The following GLI3 variants were observed in gnomAD, a reference collection of about 807,000 sequenced individuals.
GLI3 encodes the protein GLI family zinc finger 3, also known as transcription activator GLI3.
GLI3 carries 20 observed loss-of-function variants against 100.8 expected under a neutral mutation model. The ratio of observed to expected loss-of-function variants is 0.20; its 90% CI spans 0.14 to 0.29. The LOEUF (loss-of-function observed/expected upper bound fraction) is 0.29. GLI3 is among the 10% of genes least tolerant of loss of function. GLI3 has a pLI of 1.00. For synonymous variants in GLI3, 938 were observed against 860.5 expected, an observed-to-expected ratio of 1.09 and a Z score of -1.58; for missense variants, 2,040 against 2,128.5, an observed-to-expected ratio of 0.96 and a Z score of 0.82.
intron 3 of GLI3, among the ~76,000 whole-genome samples, chr7:42,129,083 T>A (rs1383351587): frequency 6.6e-6 from 1 of 152,220 alleles, no homozygotes; most frequent in African/African-American, 2.4e-5. Flanking sequence ...GAAGTAAGTT[T>A]TGTAGTAATG....
chr7:41,996,170 A>G (rs540247264), intron 10 of GLI3, among the ~76,000 whole-genome samples: 1 of 152,378 alleles, frequency 6.6e-6, no homozygotes, highest in East Asian at 1.9e-4. Context: ...CTGTATGTTC[A>G]TACATTTGTA....
At chr7:42,167,492 T>C (rs1774286203) in intron 2 of GLI3, among the ~76,000 whole-genome samples, 1 of 152,196 alleles carries the variant, frequency 6.6e-6, no homozygotes, top group Non-Finnish European at 1.5e-5. Flanking sequence ...AGTTATTAAA[T>C]TGTCAGTTTA....
intron 3 of GLI3, among the ~76,000 whole-genome samples, chr7:42,078,726 GTTTTT>G (rs10709803): frequency 2.1e-5 from 2 of 94,670 alleles, no homozygotes; most frequent in Admixed American, 1.3e-4. Context: ...ATTTATCACA[GTTTTT>G]TTTTTTTTTT....
chr7:41,963,330 C>T lies in GLI3; in HGVS notation c.*1000G>A, dbSNP rs1366529702. ...TGTTTAAATACCTATATACTTAGAG[C>T]TATATATAATCAATTCTCAGTTAAA... On this transcript the variant is annotated 3_prime_UTR_variant, in exon 15 of 15. Coordinates refer to ENST00000395925, the MANE Select transcript of GLI3 (RefSeq NM_000168.6). 2.6e-5 allele frequency: 4 copies of T among 152,266 alleles called. No homozygotes were observed. The East Asian group carries it at 7.7e-4, about 29-fold the overall frequency. The allele number at this position is 152,266 out of a possible 1,614,324, so 9.4% of individuals were successfully genotyped here. A position where few individuals can be genotyped will look rare whatever the true frequency, so the allele number is the denominator to read the frequency against.
intron 4 of GLI3, among the ~76,000 whole-genome samples, chr7:42,061,788 CA>C (rs1436384433): frequency 6.6e-6 from 1 of 152,048 alleles, no homozygotes; most frequent in Non-Finnish European, 1.5e-5. Flanking sequence ...TGATGGGGAA[CA>C]ATTTGTCTAT....
chr7:42,059,281 C>T (rs917230), intron 4 of GLI3, among the ~76,000 whole-genome samples: 73,853 of 151,636 alleles, frequency 0.49, 18,371 homozygotes, highest in South Asian at 0.54. Context: ...AAATAGTTCA[C>T]GCAAAGGTAT....
intron 10 of GLI3, among the ~76,000 whole-genome samples, chr7:41,979,329 A>G (rs1263301005): frequency 6.6e-6 from 1 of 152,244 alleles, no homozygotes; most frequent in Non-Finnish European, 1.5e-5. Flanking sequence ...TGCAGAGAAA[A>G]GAATTATACT....
Position 42,148,224 on chromosome 7 carries a change from A to G in GLI3, c.367+2T>C. On this transcript the variant is annotated splice_donor_variant, in intron 3 of 14. Coordinates refer to ENST00000395925, the MANE Select transcript of GLI3 (RefSeq NM_000168.6). LOFTEE classifies it high-confidence loss of function. ...CAAGTGCCGACTGGCATGGGCACTT[A>G]CGGTAGTGGGGCTCCATGTAACCAT... 1 of 1,608,310 alleles carries G rather than the reference A, an allele frequency of 6.2e-7. No homozygotes were observed. Among genetic ancestry groups the G allele is most frequent in the Non-Finnish European group, 8.5e-7 (1 of 1,176,700 alleles).
intron 2 of GLI3, among the ~76,000 whole-genome samples, chr7:42,195,830 T>C (rs775025633): frequency 7.2e-5 from 11 of 152,208 alleles, no homozygotes; most frequent in Non-Finnish European, 1.5e-4. Flanking sequence ...GATGAGTAAG[T>C]ATTCAATAAA....
chr7:42,118,680 C>G (rs1785920652), intron 3 of GLI3, among the ~76,000 whole-genome samples: 2 of 152,080 alleles, frequency 1.3e-5, no homozygotes, highest in South Asian at 4.2e-4. Context: ...CATCTTGACA[C>G]CTTGACACTA....
chr7:42,261,689 T>TA (rs1203613991), intron 1 of GLI3, among the ~76,000 whole-genome samples: 1 of 152,228 alleles, frequency 6.6e-6, no homozygotes, highest in Non-Finnish European at 1.5e-5. Context: ...TAGGTCTTAC[T>TA]ATTCAGCAAG....
chr7:42,118,010 T>C (rs577125791), intron 3 of GLI3, among the ~76,000 whole-genome samples: 3 of 152,320 alleles, frequency 2.0e-5, no homozygotes, highest in African/African-American at 7.2e-5. Context: ...ATATACTTGA[T>C]GGGCCAAAGC....
chr7:42,073,839 A>C (rs1029304696), intron 4 of GLI3, among the ~76,000 whole-genome samples: 5 of 152,244 alleles, frequency 3.3e-5, no homozygotes, highest in African/African-American at 7.2e-5. Flanking sequence ...AGTACTCTTC[A>C]CTTGATCTCA....
chr7:42,262,628 G>A (rs534039924), intron 1 of GLI3, among the ~76,000 whole-genome samples: 4 of 152,268 alleles, frequency 2.6e-5, no homozygotes, highest in African/African-American at 9.6e-5. Flanking sequence ...CACTGGTTCA[G>A]CATGTTTAAG....
Position 41,965,439 on chromosome 7 carries a change from C to T in GLI3, c.3634G>A (p.Gly1212Ser). ...QNPLRSGPAGGYQTLGENSNP... is the reference protein window; with the variant it reads ...QNPLRSGPAGSYQTLGENSNP... Reference sequence around the variant, plus strand: ...CTGTTCTCCCCGAGGGTCTGATAGCCCCCAGCAGGCCCGCTCCTCAAGGGG... The same window carrying T: ...CTGTTCTCCCCGAGGGTCTGATAGCTCCCAGCAGGCCCGCTCCTCAAGGGG... Residue 1212 changes from glycine (G) to serine (S), a missense_variant, in exon 15 of 15, where the codon GGC becomes AGC. Gly to Ser is a moderately conservative substitution (Grantham distance 56). Around this residue, in one of 5 missense-constraint regions of GLI3, gnomAD observed 1,041 missense variants for 924.0 expected, o/e 1.13. Transcript: ENST00000395925. The T allele has an allele frequency of 6.2e-7, 1 of 1,607,628 alleles. No homozygotes were observed. The highest frequency in any genetic ancestry group is 8.5e-7 in the Non-Finnish European group (1 of 1,176,842).
At chr7:42,205,536 A>G (rs1346485468) in intron 2 of GLI3, among the ~76,000 whole-genome samples, 1 of 152,214 alleles carries the variant, frequency 6.6e-6, no homozygotes. Context: ...GGTGTGACTT[A>G]ATAAGCATGC....
At chr7:41,979,064 T>G (rs1377593560) in intron 10 of GLI3, among the ~76,000 whole-genome samples, 1 of 152,190 alleles carries the variant, frequency 6.6e-6, no homozygotes, top group Non-Finnish European at 1.5e-5. Context: ...ACCAGCTAGT[T>G]ATGAAATGAG....
chr7:42,134,972 T>A (rs1786391148), intron 3 of GLI3, among the ~76,000 whole-genome samples: 1 of 152,080 alleles, frequency 6.6e-6, no homozygotes, highest in Non-Finnish European at 1.5e-5. Flanking sequence ...AGAAGGGAAA[T>A]GTTAATTAGG....
chr7:42,243,937 A>T (rs943303374), intron 1 of GLI3, among the ~76,000 whole-genome samples: 1 of 152,112 alleles, frequency 6.6e-6, no homozygotes, highest in Admixed American at 6.5e-5. Context: ...GGGTTCAACC[A>T]ATTTTCCTGC....
Sources: gnomAD v4.1 joint callset for allele counts (sites outside exome capture counted in the v4.1 genomes callset) on GRCh38, gnomAD v4.1.1 for gene constraint, gnomAD v4.1.1 regional missense constraint, MANE v1.5 for transcripts, NCBI Gene and HGNC (gene_info 2026-07-23, HGNC 2026-07-21) for gene names.